ZNF519: variants seen among roughly 807,000 people sequenced by gnomAD.
The protein encoded by ZNF519 is similar to Zinc finger protein 85 (Zinc finger protein HPF4) (HTF1).
A neutral mutation model predicts 7.4 loss-of-function variants in ZNF519; 7 were observed. The ratio of observed to expected loss-of-function variants is 0.94; its 90% CI spans 0.54 to 1.77. The LOEUF is 1.77. Ranked by LOEUF, ZNF519 falls within the 40% of genes most tolerant of loss-of-function variation. The pLI, the probability that ZNF519 is intolerant of heterozygous loss-of-function variation, is 0.00. For synonymous variants in ZNF519, 179 were observed against 203.3 expected (o/e 0.88, Z 1.02); for missense variants, 586 against 623.1 (o/e 0.94, Z 0.63).
chr18:14,094,306 G>A (rs868123818), intron 2 of ZNF519, among the ~76,000 whole-genome samples: 54 of 152,278 alleles, frequency 3.5e-4, no homozygotes, highest in South Asian at 2.1e-4. Context: ...GCTCTGTCTA[G>A]GACTTCTAGT....
chr18:14,106,460 T>C, intron 2 of ZNF519, 51 bp from the exon 3 acceptor site: 1 of 1,452,304 alleles, frequency 6.9e-7, no homozygotes, highest in Non-Finnish European at 9.1e-7. Context: ...TTCAGTTGAA[T>C]ATACTTTACA....
At chr18:14,113,950 T>G (rs1329696341) in intron 2 of ZNF519, among the ~76,000 whole-genome samples, 1 of 152,184 alleles carries the variant, frequency 6.6e-6, no homozygotes, top group African/African-American at 2.4e-5. Flanking sequence ...TAGAGAAATG[T>G]CTATTCACAT....
At chr18:14,089,736 A>G (rs1433057222) in intron 2 of ZNF519, among the ~76,000 whole-genome samples, 2 of 152,184 alleles carry the variant, frequency 1.3e-5, no homozygotes, top group Admixed American at 6.5e-5. Flanking sequence ...ACATTTTACT[A>G]TATTTTAATT....
Position 14,105,010 on chromosome 18 carries a change from A to G in ZNF519, c.1530T>C (p.His510=), listed in dbSNP as rs1309222041. 1.1e-5 allele frequency: 17 copies of G among 1,603,630 alleles called. No individual in the cohort carries two copies. The highest frequency in any genetic ancestry group is 1.4e-5 in the Non-Finnish European group (16 of 1,173,862). ...SSHLTQHQRI[H]TGEKPFKCKE... is the part of the protein sequence containing the mutation. The stretch of plus-strand genomic sequence containing the variant: ...TACATTTGAAAGGTTTCTCTCCAGT[A>G]TGAATTCTCTGATGTTGAGTAAGGT... Residue 510 remains histidine (H), a synonymous_variant, in exon 3 of 3, where the codon CAT becomes CAC. Coordinates refer to ENST00000590202, the MANE Select transcript of ZNF519 (RefSeq NM_145287.4).
At chr18:14,129,675 C>G (rs1309265299) in intron 1 of ZNF519, among the ~76,000 whole-genome samples, 3 of 152,140 alleles carry the variant, frequency 2.0e-5, no homozygotes, top group Admixed American at 6.5e-5. Context: ...TGTCCAACAC[C>G]TCAATTCCAA....
downstream of ZNF519, among the ~76,000 whole-genome samples, chr18:14,096,565 G>C (rs1446763542): frequency 6.6e-6 from 1 of 151,994 alleles, no homozygotes; most frequent in African/African-American, 2.4e-5. Context: ...ACCTAGGCTG[G>C]AGTAGAGTGG....
chr18:14,110,325 A>C (rs1425587903), intron 2 of ZNF519, among the ~76,000 whole-genome samples: 1 of 152,188 alleles, frequency 6.6e-6, no homozygotes, highest in African/African-American at 2.4e-5. Context: ...AGCAAATGCA[A>C]CAAAAACAAA....
At position 14,101,030 on chromosome 18, in the gene ZNF519, C is replaced by A. The variant is rs1280215222; in HGVS notation, c.*3887G>T. 1 of 152,172 alleles carries A rather than the reference C, an allele frequency of 6.6e-6. No homozygotes were observed. The highest frequency in any genetic ancestry group is 2.4e-5 in the African/African-American group (1 of 41,394). 9.4% of individuals were successfully genotyped at this position (152,172 alleles called of 1,614,324 possible). ...CATATCATGTTAGGCTTCTTAGAACCCCAGTTCCAAAGAAGCAAACTGAAG... is the reference window on the plus strand; with the variant it reads ...CATATCATGTTAGGCTTCTTAGAACACCAGTTCCAAAGAAGCAAACTGAAG... On this transcript the variant is annotated 3_prime_UTR_variant, in exon 3 of 3. Coordinates refer to ENST00000590202, the MANE Select transcript of ZNF519 (RefSeq NM_145287.4).
At chr18:14,093,084 A>T (rs2143101506) in intron 2 of ZNF519, among the ~76,000 whole-genome samples, 1 of 152,324 alleles carries the variant, frequency 6.6e-6, no homozygotes, top group Non-Finnish European at 1.5e-5. Flanking sequence ...CCTATACATC[A>T]GGAGTGTCTT....
At chr18:14,073,538 TG>T (rs1455298011), downstream of ZNF519, 1 of 152,356 alleles carries the variant, frequency 6.6e-6, no homozygotes, top group Non-Finnish European at 1.5e-5. Flanking sequence ...CCCAAAGTGC[TG>T]GGATTATAGG....
intron 2 of ZNF519, among the ~76,000 whole-genome samples, chr18:14,086,357 A>G (rs1030969125): frequency 6.6e-6 from 1 of 152,036 alleles, no homozygotes; most frequent in African/African-American, 2.4e-5. Flanking sequence ...AATAAATCTC[A>G]GGGGCCGGAA....
chr18:14,122,269 G>C (rs1306507557), intron 2 of ZNF519: 1 of 152,076 alleles, frequency 6.6e-6, no homozygotes. Flanking sequence ...TTAGAAAAAT[G>C]CTTATTGTTC....
At chr18:14,096,148 C>G (rs2046135622), downstream of ZNF519, among the ~76,000 whole-genome samples, 1 of 152,232 alleles carries the variant, frequency 6.6e-6, no homozygotes, top group African/African-American at 2.4e-5. Context: ...GGGCCCAGCA[C>G]TGGGCTCTAA....
At chr18:14,111,333 C>T (rs2046219787) in intron 2 of ZNF519, among the ~76,000 whole-genome samples, 1 of 150,864 alleles carries the variant, frequency 6.6e-6, no homozygotes, top group South Asian at 2.1e-4. Flanking sequence ...GGCGAAACCC[C>T]GTCTCTACTA....
chr18:14,111,505 T>TC (rs2046220624), intron 2 of ZNF519, among the ~76,000 whole-genome samples: 1 of 82,882 alleles, frequency 1.2e-5, no homozygotes, highest in Admixed American at 1.7e-4. Flanking sequence ...AGACTCCTAC[T>TC]CAAAAAAAAG....
downstream of ZNF519, chr18:14,074,644 G>C (rs1457942534): frequency 1.3e-5 from 2 of 152,388 alleles, no homozygotes; most frequent in Non-Finnish European, 2.9e-5. Context: ...AGTCACCTTT[G>C]CTCCAGTTTC....
At chr18:14,080,447 G>T (rs1183428677) in intron 3 of ZNF519, among the ~76,000 whole-genome samples, 1 of 147,296 alleles carries the variant, frequency 6.8e-6, no homozygotes, top group African/African-American at 2.5e-5. Flanking sequence ...TCAGCCTCCT[G>T]AGTAGCTGGA....
Position 14,132,214 on chromosome 18 carries a change from G to A in ZNF519, c.3+61C>T, listed in dbSNP as rs1308409299. 13 of 1,602,066 alleles carry A rather than the reference G, an allele frequency of 8.1e-6. 1 individual carries two copies. The South Asian group carries it at 9.9e-5, about 12-fold the overall frequency. ...GCAGACTAGGTCCCGTCACCGCCAT[G>A]TCCAGCCGGTTCCAAGGAGCCCCCT... On this transcript the variant is annotated intron_variant, in intron 1 of 2. Coordinates refer to ENST00000590202, the MANE Select transcript of ZNF519 (RefSeq NM_145287.4).
chr18:14,124,194 G>T, intron 2 of ZNF519, 156 bp downstream of exon 2: 179 of 480,692 alleles, frequency 3.7e-4, no homozygotes, highest in Non-Finnish European at 5.2e-4. Flanking sequence ...AAAAAAAAAA[G>T]ATTTTCTTTT....
Sources: allele counts gnomAD v4.1 joint callset (sites outside exome capture counted in the v4.1 genomes callset), GRCh38; gene constraint gnomAD v4.1.1; transcripts MANE v1.5; gene names NCBI Gene and HGNC (gene_info 2026-07-23, HGNC 2026-07-21).